The following SAMHD1 variants were observed in gnomAD, a reference collection of about 807,000 sequenced individuals.
SAMHD1 encodes SAM and HD domain containing deoxynucleoside triphosphate triphosphohydrolase 1.
SAMHD1 carries 54 observed loss-of-function variants against 79.6 expected under a neutral mutation model. The observed-to-expected ratio is 0.68, with a 90% CI of 0.55 to 0.85. The LOEUF is 0.85. Ranked by LOEUF, SAMHD1 falls within the 40% of genes least tolerant of loss-of-function variation. The pLI is 0.00. For missense variants in SAMHD1, 663 were observed against 782.7 expected, an observed-to-expected ratio of 0.85 and a Z score of 1.82; for synonymous variants, 260 against 264.1, an observed-to-expected ratio of 0.98 and a Z score of 0.15.
intron 3 of SAMHD1, among the ~76,000 whole-genome samples, chr20:36,935,999 G>A (rs550838638): frequency 3.3e-5 from 5 of 152,182 alleles, no homozygotes; most frequent in South Asian, 4.1e-4. Context: ...ATGCAGGTCC[G>A]AGTGCAGGTG....
In SAMHD1 at chr20:36,891,982, G is replaced by A. The variant is rs1990086117; in HGVS notation, c.*950C>T. ...CCAGGATACTGAGAGAGCAGGTCAG[G>A]GGAGGCCTTCTCCAGGCTGGGCAGT... On this transcript the variant is annotated 3_prime_UTR_variant, in exon 16 of 16. Transcript: ENST00000646673. 1 of 152,346 alleles carries A rather than the reference G, an allele frequency of 6.6e-6. No individual in the cohort carries two copies. Among genetic ancestry groups the A allele is most frequent in the African/African-American group, 2.4e-5 (1 of 41,462 alleles). The allele number at this position is 152,346 out of a possible 1,614,324, so 9.4% of individuals were successfully genotyped here.
At chr20:36,915,597 C>T (rs1177145032) in intron 9 of SAMHD1, among the ~76,000 whole-genome samples, 3 of 151,732 alleles carry the variant, frequency 2.0e-5, no homozygotes, top group African/African-American at 4.8e-5. Flanking sequence ...ATTAGCTGGG[C>T]GTGGTAGCAT....
Position 36,898,461 on chromosome 20 carries a change from T to C in SAMHD1, c.1587A>G (p.Ala529=). The C allele has an allele frequency of 6.2e-7, 1 of 1,613,646 alleles. No individual in the cohort carries two copies. The highest frequency in any genetic ancestry group is 8.5e-7 in the Non-Finnish European group (1 of 1,179,568). Residue 529 remains alanine (A), a synonymous_variant, in exon 14 of 16, where the codon GCA becomes GCG. Coordinates refer to ENST00000646673, the MANE Select transcript of SAMHD1 (RefSeq NM_015474.4). The part of the protein sequence containing the change: ...SFYCKTAPNR[A]IRITKNQVSQ... The stretch of plus-strand genomic sequence containing the variant: ...TTACCTGGTTTTTAGTAATCCTGAT[T>C]GCTCTGTTGGGGGCAGTCTTACAAT...
At chr20:36,910,091 C>T (rs1223693435) in intron 11 of SAMHD1, among the ~76,000 whole-genome samples, 1 of 151,322 alleles carries the variant, frequency 6.6e-6, no homozygotes, top group African/African-American at 2.4e-5. Flanking sequence ...GGTGTGGTGG[C>T]GGGCGCCTGT....
intron 2 of SAMHD1, among the ~76,000 whole-genome samples, chr20:36,944,025 C>A (rs1276152798): frequency 1.5e-5 from 2 of 132,110 alleles, no homozygotes; most frequent in Non-Finnish European, 3.1e-5. Context: ...TTGCAGTGAG[C>A]CGAGATCACG....
In SAMHD1 at chr20:36,942,439, C is replaced by G. The variant is rs114158776; in HGVS notation, c.276-1328G>C. 6.2e-3 allele frequency among the ~76,000 whole-genome samples: 944 copies of G among 152,002 alleles called. 5 individuals carry two copies. The highest frequency in any genetic ancestry group is 0.021 in the African/African-American group (867 of 41,474). On this transcript the variant is annotated intron_variant, in intron 2 of 15. Transcript: ENST00000646673. ...AACTCAAAAACAAAACAAAACAAAA[C>G]CAAAATCACTGATTAGAGTATATAA...
At chr20:36,942,090 T>C (rs2063648350) in intron 2 of SAMHD1, among the ~76,000 whole-genome samples, 1 of 152,146 alleles carries the variant, frequency 6.6e-6, no homozygotes, top group Non-Finnish European at 1.5e-5. Flanking sequence ...CTTAATATTT[T>C]CCTAAACTGA....
At chr20:36,947,833 AATTTTT>A (rs1170506166) in intron 1 of SAMHD1, among the ~76,000 whole-genome samples, 2 of 151,776 alleles carry the variant, frequency 1.3e-5, no homozygotes, top group Non-Finnish European at 2.9e-5. Flanking sequence ...GCACCTAGCT[AATTTTT>A]ATTTTTATTT....
At chr20:36,913,871 A>C (rs2148367026) in intron 9 of SAMHD1, among the ~76,000 whole-genome samples, 1 of 150,918 alleles carries the variant, frequency 6.6e-6, no homozygotes, top group African/African-American at 2.4e-5. Context: ...CTCGTACCTC[A>C]TCCTCCTGAG....
chr20:36,921,495 T>C (rs2063504762), intron 6 of SAMHD1, among the ~76,000 whole-genome samples: 1 of 150,730 alleles, frequency 6.6e-6, no homozygotes, highest in African/African-American at 2.4e-5. Flanking sequence ...AATGCCTTAA[T>C]CAAGTAAGCA....
chr20:36,928,426 C>T lies in SAMHD1; in HGVS notation c.626-1174G>A, dbSNP rs11906349. On this transcript the variant is annotated intron_variant, in intron 5 of 15. Coordinates refer to ENST00000646673, the MANE Select transcript of SAMHD1 (RefSeq NM_015474.4). ...AAGGGGCTGGGCGCGGTGGCTCATG[C>T]CTGTAATCCCAGCACTTTGGGAGGC... Among the ~76,000 whole-genome samples the T allele has an allele frequency of 5.1e-3, 777 of 152,042 alleles. 7 individuals carry two copies. Among genetic ancestry groups the T allele is most frequent in the African/African-American group, 0.018 (758 of 41,450 alleles).
At chr20:36,903,398 C>T (rs1320807307) in intron 13 of SAMHD1, among the ~76,000 whole-genome samples, 2 of 151,414 alleles carry the variant, frequency 1.3e-5, no homozygotes, top group Non-Finnish European at 2.9e-5. Context: ...CACCACCATA[C>T]CCAGCTAATT....
At chr20:36,942,219 A>C (rs2063649898) in intron 2 of SAMHD1, among the ~76,000 whole-genome samples, 1 of 152,196 alleles carries the variant, frequency 6.6e-6, no homozygotes, top group Non-Finnish European at 1.5e-5. Flanking sequence ...AGCTCGAGAC[A>C]AGCCTGACTA....
chr20:36,904,006 TGTG>T, intron 13 of SAMHD1, 148 bp downstream of exon 13: 1 of 625,678 alleles, frequency 1.6e-6, no homozygotes, highest in Admixed American at 2.6e-5. Flanking sequence ...AAAATGTTTT[TGTG>T]GTTAATAATA....
Position 36,916,850 on chromosome 20 carries a change from G to C in SAMHD1, c.954-20C>G. 1 of 1,606,092 alleles carries C rather than the reference G, an allele frequency of 6.2e-7. No individual in the cohort carries two copies. Among genetic ancestry groups the C allele is most frequent in the Non-Finnish European group, 8.5e-7 (1 of 1,172,710 alleles). On this transcript the variant is annotated intron_variant, in intron 8 of 15. Coordinates refer to ENST00000646673, the MANE Select transcript of SAMHD1 (RefSeq NM_015474.4). ...CAGTCCCTAGAAGGATTCCAAAACA[G>C]AGAGATGAAATTTTTCAACAAGGAA...
intron 1 of SAMHD1, among the ~76,000 whole-genome samples, chr20:36,948,862 T>C (rs1422611314): frequency 2.3e-5 from 3 of 129,694 alleles, no homozygotes; most frequent in East Asian, 2.2e-4. Context: ...CGAGACTCTG[T>C]CTCAAAAAAA....
chr20:36,923,243 C>T (rs998654543), intron 6 of SAMHD1, among the ~76,000 whole-genome samples: 6 of 152,026 alleles, frequency 3.9e-5, no homozygotes, highest in African/African-American at 1.4e-4. Flanking sequence ...TTGTGATCCG[C>T]CCACCTTGGC....
chr20:36,918,526 C>T (rs141793048), intron 7 of SAMHD1, among the ~76,000 whole-genome samples: 46 of 151,348 alleles, frequency 3.0e-4, no homozygotes, highest in African/African-American at 9.4e-4. Flanking sequence ...TGGCCGGGCG[C>T]GGTGGCGGCT....
chr20:36,934,968 A>C (rs1445728881), intron 4 of SAMHD1, 61 bp downstream of exon 4: 3 of 1,557,432 alleles, frequency 1.9e-6, no homozygotes, highest in Non-Finnish European at 2.7e-6. Flanking sequence ...TAAGATAACT[A>C]TTTCATGAGA....
Sources: allele counts gnomAD v4.1 joint callset (sites outside exome capture counted in the v4.1 genomes callset), GRCh38; gene constraint gnomAD v4.1.1; transcripts MANE v1.5; gene names NCBI Gene and HGNC (gene_info 2026-07-23, HGNC 2026-07-21).